FSIP1: variants seen among roughly 807,000 people sequenced by gnomAD.
The protein encoded by FSIP1 is fibrous sheath interacting protein 1.
Under a neutral mutation model 60.9 loss-of-function variants are expected in FSIP1, and 65 were observed. That is an observed-to-expected ratio of 1.07 (90% CI 0.87 to 1.31). FSIP1 has a LOEUF of 1.31. FSIP1 is among the 40% of genes most tolerant of loss of function. The pLI is 0.00. For missense variants in FSIP1, 675 were observed against 665.5 expected (o/e 1.01, Z -0.16); for synonymous variants, 209 against 221.2 (o/e 0.94, Z 0.49).
At chr15:39,654,639 C>G (rs11631824) in intron 10 of FSIP1, among the ~76,000 whole-genome samples, 87,050 of 152,108 alleles carry the variant, frequency 0.57, 26,551 homozygotes, top group Non-Finnish European at 0.7. Context: ...GAAGCAAGAG[C>G]ATATATTCTC....
chr15:39,600,807 C>G lies in FSIP1; in HGVS notation c.*73G>C. On this transcript the variant is annotated 3_prime_UTR_variant, in exon 12 of 12. Transcript: ENST00000350221. ...GTCTCTGCAGTGCATTCATTGAATT[C>G]AAATAATTCAATAAGAAATTTAATT... 1 of 1,204,672 alleles carries G rather than the reference C, an allele frequency of 8.3e-7. No individual in the cohort carries two copies. Among genetic ancestry groups the G allele is most frequent in the East Asian group, 2.4e-5 (1 of 41,988 alleles). The allele number at this position is 1,204,672 out of a possible 1,614,324, so 74.6% of individuals were successfully genotyped here. A position where few individuals can be genotyped will look rare whatever the true frequency, so the allele number is the denominator to read the frequency against.
intron 9 of FSIP1, among the ~76,000 whole-genome samples, chr15:39,714,132 C>A (rs1317535824): frequency 6.6e-6 from 1 of 152,110 alleles, no homozygotes; most frequent in Non-Finnish European, 1.5e-5. Context: ...AATAATAGAT[C>A]TAGGCTAAAA....
intron 10 of FSIP1, among the ~76,000 whole-genome samples, chr15:39,702,414 C>A (rs546178067): frequency 9.2e-5 from 1 of 10,924 alleles, no homozygotes; most frequent in African/African-American, 2.2e-4. Flanking sequence ...GCCAGCTCAG[C>A]CATGCTTTTA....
At chr15:39,623,059 A>T (rs912284717) in intron 10 of FSIP1, among the ~76,000 whole-genome samples, 1 of 151,376 alleles carries the variant, frequency 6.6e-6, no homozygotes, top group Non-Finnish European at 1.5e-5. Flanking sequence ...CAGGATACCC[A>T]CTGTTTACAC....
chr15:39,666,865 G>C (rs536343787), intron 10 of FSIP1, among the ~76,000 whole-genome samples: 2 of 152,306 alleles, frequency 1.3e-5, no homozygotes, highest in East Asian at 3.9e-4. Flanking sequence ...TATAAAAATA[G>C]ATGTCCATTT....
intron 10 of FSIP1, among the ~76,000 whole-genome samples, chr15:39,704,844 A>G (rs1895200811): frequency 6.6e-6 from 1 of 152,360 alleles, no homozygotes; most frequent in Non-Finnish European, 1.5e-5. Flanking sequence ...GAGAGGATTT[A>G]TCATCCTTTG....
rs72106293 is a variant in FSIP1, at chr15:39,716,812, C to CTTTTTTTTT, written c.1051-3240_1051-3232dup. ...AACCACTTTGAAAAACAGGCCATGT[C>CTTTTTTTTT]TTTTTTTTTTTTTTTTTTTTTGAGA... On this transcript the variant is annotated intron_variant, in intron 9 of 11. Coordinates refer to ENST00000350221, the MANE Select transcript of FSIP1 (RefSeq NM_152597.5). Among the ~76,000 whole-genome samples the CTTTTTTTTT allele has an allele frequency of 2.5e-4, 27 of 110,202 alleles. 3 individuals are homozygous for CTTTTTTTTT. The highest frequency in any genetic ancestry group is 3.7e-4 in the Non-Finnish European group (21 of 56,926). 72.3% of individuals were successfully genotyped at this position (110,202 alleles called of 152,430 possible). A position where few individuals can be genotyped will look rare whatever the true frequency, so the allele number is the denominator to read the frequency against.
At position 39,738,155 on chromosome 15, in the gene FSIP1, TTCTC is replaced by T. The variant is rs1169502653; in HGVS notation, c.823_826del (p.Glu275ArgfsTer8). 2.5e-6 allele frequency: 4 copies of T among 1,613,472 alleles called. No individual in the cohort carries two copies. The highest frequency in any genetic ancestry group is 2.5e-6 in the Non-Finnish European group (3 of 1,179,846). On this transcript the variant is annotated frameshift_variant, in exon 8 of 12. Coordinates refer to ENST00000350221, the MANE Select transcript of FSIP1 (RefSeq NM_152597.5). LOFTEE classifies it high-confidence loss of function. The stretch of plus-strand genomic sequence containing the variant: ...CTTCAAAAGCTCAACCAGCCTTTTC[TTCTC>T]TCTGTCAACCATAACCACTGGGTTT...
At chr15:39,601,455 C>A (rs533799651) in intron 11 of FSIP1, among the ~76,000 whole-genome samples, 1 of 152,278 alleles carries the variant, frequency 6.6e-6, no homozygotes, top group South Asian at 2.1e-4. Context: ...CCTTCATGCA[C>A]GACTGGCAGG....
At chr15:39,704,356 G>C (rs1895181194) in intron 10 of FSIP1, among the ~76,000 whole-genome samples, 1 of 152,234 alleles carries the variant, frequency 6.6e-6, no homozygotes, top group Non-Finnish European at 1.5e-5. Flanking sequence ...AAGCACACTA[G>C]TTGGTCTTCC....
intron 10 of FSIP1, among the ~76,000 whole-genome samples, chr15:39,634,192 T>C (rs60164392): frequency 0.18 from 27,580 of 152,138 alleles, 3,047 homozygotes; most frequent in East Asian, 0.32. Context: ...TTCCCATGAG[T>C]ATACAAAAAG....
chr15:39,763,127 C>T (rs1034697004), intron 5 of FSIP1, among the ~76,000 whole-genome samples: 1 of 151,998 alleles, frequency 6.6e-6, no homozygotes, highest in Non-Finnish European at 1.5e-5. Context: ...CCAATATTTT[C>T]TTATATAGAT....
chr15:39,648,180 G>C (rs28452702), intron 10 of FSIP1, among the ~76,000 whole-genome samples: 1 of 42,076 alleles, frequency 2.4e-5, no homozygotes, highest in Non-Finnish European at 5.4e-5. Flanking sequence ...AAAAAAAAAA[G>C]AAAAAAAAAG....
intron 10 of FSIP1, among the ~76,000 whole-genome samples, chr15:39,658,251 A>ATTTTTTTTTTTTT (rs71132110): frequency 9.5e-6 from 1 of 105,290 alleles, no homozygotes. Context: ...AGCAGACATG[A>ATTTTTTTTTTTTT]TTTTTTTTTT....
intron 10 of FSIP1, among the ~76,000 whole-genome samples, chr15:39,650,021 C>T (rs188726551): frequency 6.6e-6 from 1 of 152,324 alleles, no homozygotes; most frequent in African/African-American, 2.4e-5. Context: ...GTGCTGATTC[C>T]CCACTCAGCG....
chr15:39,737,858 C>T (rs1052784386), intron 8 of FSIP1, among the ~76,000 whole-genome samples: 26 of 152,012 alleles, frequency 1.7e-4, no homozygotes, highest in African/African-American at 5.8e-4. Flanking sequence ...CAGTGTGTGT[C>T]GCTCCCCTCT....
chr15:39,710,441 GA>G (rs397945950), intron 10 of FSIP1, among the ~76,000 whole-genome samples: 17,990 of 74,280 alleles, frequency 0.24, 1,246 homozygotes, highest in African/African-American at 0.35. Flanking sequence ...CTCTGTCTCA[GA>G]AAAAAAAAAA....
At chr15:39,649,827 A>T (rs1019579315) in intron 10 of FSIP1, among the ~76,000 whole-genome samples, 2 of 152,144 alleles carry the variant, frequency 1.3e-5, no homozygotes, top group Non-Finnish European at 2.9e-5. Context: ...CAACCTTTTC[A>T]TTCTAATTAA....
At chr15:39,597,613 A>G (rs1890501298), downstream of FSIP1, 1 of 152,210 alleles carries the variant, frequency 6.6e-6, no homozygotes, top group Admixed American at 6.5e-5. Context: ...TGATTGAGAA[A>G]GACTGAGTTG....
Sources: allele counts gnomAD v4.1 joint callset (sites outside exome capture counted in the v4.1 genomes callset), GRCh38; gene constraint gnomAD v4.1.1; transcripts MANE v1.5; gene names NCBI Gene and HGNC (gene_info 2026-07-23, HGNC 2026-07-21).